The following PDE1C variants were observed in gnomAD, a reference collection of about 807,000 sequenced individuals.
The protein encoded by PDE1C is dual specificity calcium/calmodulin-dependent 3',5'-cyclic nucleotide phosphodiesterase 1C.
A neutral mutation model predicts 93.1 loss-of-function variants in PDE1C; 62 were observed. That is an observed-to-expected ratio of 0.67 (90% confidence interval 0.54 to 0.82). The LOEUF is 0.82. PDE1C is among the 40% of genes least tolerant of loss of function. The pLI, the probability that PDE1C is intolerant of heterozygous loss-of-function variation, is 0.00. For missense variants in PDE1C, 742 were observed against 884.6 expected, an observed-to-expected ratio of 0.84 and a Z score of 2.04; for synonymous variants, 325 against 310.1, an observed-to-expected ratio of 1.05 and a Z score of -0.50.
chr7:32,097,065 A>G (rs1797792703), intron 3 of PDE1C, among the ~76,000 whole-genome samples: 1 of 152,188 alleles, frequency 6.6e-6, no homozygotes, highest in Admixed American at 6.5e-5. Flanking sequence ...AGAAAAGACC[A>G]ATGTCCCAGC....
At chr7:31,904,023 G>A (rs1656314261) in intron 2 of PDE1C, among the ~76,000 whole-genome samples, 1 of 152,136 alleles carries the variant, frequency 6.6e-6, no homozygotes, top group African/African-American at 2.4e-5. Context: ...ACAAATGTAT[G>A]TCATTTATAA....
At chr7:32,400,001 A>G (rs1450291031) in intron 1 of PDE1C, among the ~76,000 whole-genome samples, 1 of 152,176 alleles carries the variant, frequency 6.6e-6, no homozygotes, top group Non-Finnish European at 1.5e-5. Flanking sequence ...AGTTCTGTCC[A>G]TAGAAGATCC....
chr7:31,948,274 G>A (rs530950787), intron 2 of PDE1C, among the ~76,000 whole-genome samples: 2 of 152,276 alleles, frequency 1.3e-5, no homozygotes, highest in East Asian at 3.9e-4. Context: ...TGTGTACTTT[G>A]GACTTGACTA....
intron 1 of PDE1C, among the ~76,000 whole-genome samples, chr7:32,323,918 G>T (rs1783350572): frequency 6.6e-6 from 1 of 152,114 alleles, no homozygotes; most frequent in Admixed American, 6.6e-5. Context: ...GCACACTGTG[G>T]TCTTCTGTAC....
At chr7:32,393,048 C>CAAAAA (rs35905868) in intron 1 of PDE1C, among the ~76,000 whole-genome samples, 9 of 48,498 alleles carry the variant, frequency 1.9e-4, no homozygotes, top group South Asian at 1.1e-3. Context: ...GACTCTGTCT[C>CAAAAA]AAAAAAAAAA....
At chr7:31,916,598 A>G (rs1046579668) in intron 2 of PDE1C, among the ~76,000 whole-genome samples, 3 of 152,188 alleles carry the variant, frequency 2.0e-5, no homozygotes, top group African/African-American at 7.2e-5. Flanking sequence ...GGGCAAGGAC[A>G]GGTTACGGGG....
chr7:32,321,899 T>C (rs1357775379), intron 1 of PDE1C, among the ~76,000 whole-genome samples: 1 of 152,230 alleles, frequency 6.6e-6, no homozygotes, highest in African/African-American at 2.4e-5. Context: ...TCTCTACCTC[T>C]GTTTGCACTT....
At chr7:32,005,323 G>A (rs1177878409) in intron 2 of PDE1C, among the ~76,000 whole-genome samples, 4 of 151,802 alleles carry the variant, frequency 2.6e-5, no homozygotes, top group East Asian at 1.9e-4. Flanking sequence ...TTGGGAGGCC[G>A]AGGCAGGCAG....
chr7:32,385,578 T>C (rs1258848947), intron 1 of PDE1C, among the ~76,000 whole-genome samples: 1 of 152,146 alleles, frequency 6.6e-6, no homozygotes, highest in Non-Finnish European at 1.5e-5. Flanking sequence ...AGGAAGCCCA[T>C]CCTGGGTTTT....
chr7:32,402,959 G>A (rs898012850), intron 1 of PDE1C, among the ~76,000 whole-genome samples: 5 of 152,208 alleles, frequency 3.3e-5, no homozygotes, highest in African/African-American at 9.6e-5. Context: ...GCAAGAATGT[G>A]TTAGTGTGTG....
intron 7 of PDE1C, among the ~76,000 whole-genome samples, chr7:31,859,753 C>T (rs1794455371): frequency 6.6e-6 from 1 of 152,102 alleles, no homozygotes; most frequent in Admixed American, 6.6e-5. Context: ...GGATGAGAAT[C>T]TCCCCAGAGG....
chr7:32,229,835 C>A (rs914957111), intron 1 of PDE1C, among the ~76,000 whole-genome samples: 6 of 152,194 alleles, frequency 3.9e-5, no homozygotes, highest in African/African-American at 1.4e-4. Flanking sequence ...TAAATGGAAT[C>A]TAACAAGAGC....
the PDE1C span, among the ~76,000 whole-genome samples, chr7:31,719,740 G>A: frequency 1.3e-5 from 2 of 152,158 alleles, no homozygotes; most frequent in Non-Finnish European, 2.9e-5. Flanking sequence ...GGCAGATAAA[G>A]TGTTTGGGCA....
the PDE1C span, among the ~76,000 whole-genome samples, chr7:31,724,064 A>G: frequency 6.6e-6 from 1 of 152,202 alleles, no homozygotes; most frequent in South Asian, 2.1e-4. Context: ...ACTCAATGGT[A>G]CAGATAGAAA....
chr7:31,840,375 G>A (rs908976570), intron 9 of PDE1C, among the ~76,000 whole-genome samples: 1 of 152,026 alleles, frequency 6.6e-6, no homozygotes, highest in African/African-American at 2.4e-5. Context: ...CAAAACCTAT[G>A]TAAAACATAA....
In PDE1C at chr7:31,850,640, C is replaced by A; in HGVS notation, c.851+1G>T. On this transcript the variant is annotated splice_donor_variant, in intron 8 of 17. Coordinates refer to ENST00000396191, the MANE Select transcript of PDE1C (RefSeq NM_001191057.4). LOFTEE classifies it high-confidence loss of function. ...TCTTCCAAACATTTAAACACCCTCACCGAGTCTGAATGTGGAAATTGTTGG... is the reference window on the plus strand; with the variant it reads ...TCTTCCAAACATTTAAACACCCTCAACGAGTCTGAATGTGGAAATTGTTGG... 6.2e-7 allele frequency: 1 copy of A among 1,603,600 alleles called. No individual in the cohort carries two copies. The highest frequency in any genetic ancestry group is 8.5e-7 in the Non-Finnish European group (1 of 1,170,492).
At chr7:32,414,835 A>AG (rs1408091295) in intron 1 of PDE1C, among the ~76,000 whole-genome samples, 2 of 147,120 alleles carry the variant, frequency 1.4e-5, no homozygotes, top group Non-Finnish European at 2.9e-5. Flanking sequence ...AATGATAAAA[A>AG]AAAAAAAGCC....
intron 17 of PDE1C, among the ~76,000 whole-genome samples, chr7:31,764,473 C>T (rs1188304747): frequency 6.6e-6 from 1 of 152,116 alleles, no homozygotes; most frequent in East Asian, 1.9e-4. Flanking sequence ...AACACCTAAC[C>T]TCAAGTACAA....
chr7:32,358,895 G>C (rs1291826131), intron 1 of PDE1C, among the ~76,000 whole-genome samples: 1 of 150,516 alleles, frequency 6.6e-6, no homozygotes, highest in African/African-American at 2.5e-5. Flanking sequence ...GTGTGTGTGT[G>C]TCTGTGTGTG....
Sources: allele counts gnomAD v4.1 joint callset (sites outside exome capture counted in the v4.1 genomes callset), GRCh38; gene constraint gnomAD v4.1.1; transcripts MANE v1.5; gene names NCBI Gene and HGNC (gene_info 2026-07-23, HGNC 2026-07-21).